NSA2: variants seen among roughly 807,000 people sequenced by gnomAD.
NSA2 encodes the protein ribosome biogenesis protein NSA2 homolog.
In NSA2, 18 loss-of-function variants were observed where a neutral mutation model predicts 34.8. That is an observed-to-expected ratio of 0.52 (90% CI 0.36 to 0.77). The LOEUF is 0.77. Among genes scored for constraint, NSA2 ranks in the 30% least tolerant of loss-of-function variants. The probability of loss-of-function intolerance (pLI) is 0.00; values close to 1 mark genes in which losing one functional copy is unlikely to be tolerated. For missense variants in NSA2, 188 were observed against 314.7 expected, an observed-to-expected ratio of 0.60 and a Z score of 3.05; for synonymous variants, 79 against 100.2, an observed-to-expected ratio of 0.79 and a Z score of 1.26.
intron 4 of NSA2, among the ~76,000 whole-genome samples, 168 bp from the exon 5 acceptor site, chr5:74,773,700 A>G (rs1580056563): frequency 6.6e-6 from 1 of 152,166 alleles, no homozygotes; most frequent in East Asian, 1.9e-4. Context: ...TTATACTGTA[A>G]CCATCAGCTT....
At position 74,779,904 on chromosome 5, in the gene NSA2, C is replaced by T. The variant is rs1745326193; in HGVS notation, c.*3233C>T. ...ACTTTCAACATCAGTCCTTAGCTAC[C>T]TCAAATAATGACACAAAGTCTTAGT... is the stretch of plus-strand genomic sequence containing the variant. On this transcript the variant is annotated 3_prime_UTR_variant, in exon 6 of 6. Transcript: ENST00000610426. 1 of 152,152 alleles carries T rather than the reference C, an allele frequency of 6.6e-6. No homozygotes were observed. The highest frequency in any genetic ancestry group is 6.5e-5 in the Admixed American group (1 of 15,268). The allele number at this position is 152,152 out of a possible 1,614,324, so 9.4% of individuals were successfully genotyped here.
chr5:74,776,177 T>C (rs1745111253), intron 5 of NSA2, among the ~76,000 whole-genome samples: 1 of 152,244 alleles, frequency 6.6e-6, no homozygotes, highest in Admixed American at 6.5e-5. Context: ...ATGGTTCATT[T>C]CTTATTTATT....
At chr5:74,767,426 C>T in intron 1 of NSA2, 63 bp downstream of exon 1, 4 of 1,593,358 alleles carry the variant, frequency 2.5e-6, no homozygotes, top group Non-Finnish European at 3.4e-6. Flanking sequence ...CCTGAGGACT[C>T]TGGGGCGCTG....
Position 74,778,814 on chromosome 5 carries a change from A to G in NSA2, c.*2143A>G, listed in dbSNP as rs1458581397. On this transcript the variant is annotated 3_prime_UTR_variant, in exon 6 of 6. Coordinates refer to ENST00000610426, the MANE Select transcript of NSA2 (RefSeq NM_014886.6). ...TTCACAAATAAGTTCACAAAGGACT[A>G]TGTGTAATGTGACTGGACATTCAAC... 2.6e-5 allele frequency: 4 copies of G among 152,120 alleles called. No individual in the cohort carries two copies. The South Asian group carries it at 6.2e-4, about 24-fold the overall frequency. The allele number at this position is 152,120 out of a possible 1,614,324, so 9.4% of individuals were successfully genotyped here. A position where few individuals can be genotyped will look rare whatever the true frequency, so the allele number is the denominator to read the frequency against.
chr5:74,774,073 T>C lies in NSA2; in HGVS notation c.715+13T>C, dbSNP rs911239793. 4.4e-6 allele frequency: 7 copies of C among 1,595,804 alleles called. No individual in the cohort carries two copies. Among genetic ancestry groups the C allele is most frequent in the Non-Finnish European group, 6.0e-6 (7 of 1,164,240 alleles). ...AAAGTTATTTGGGGTAAGTGAATTT[T>C]TGAATACAGGGCTGCTGTGTTCTGC... On this transcript the variant is annotated intron_variant, in intron 5 of 5. Transcript: ENST00000610426.
chr5:74,775,703 T>A (rs182140614), intron 5 of NSA2, among the ~76,000 whole-genome samples: 2,428 of 148,744 alleles, frequency 0.016, 36 homozygotes, highest in Non-Finnish European at 0.027. Context: ...AAAAAAATTG[T>A]AAAAAAAAAA....
chr5:74,771,325 G>C (rs1744920006), intron 4 of NSA2, among the ~76,000 whole-genome samples: 1 of 151,722 alleles, frequency 6.6e-6, no homozygotes. Flanking sequence ...ATTTGAAAAA[G>C]TAGTATCATA....
At position 74,769,266 on chromosome 5, in the gene NSA2, C is replaced by A. The variant is rs1744838238; in HGVS notation, c.244C>A (p.Pro82Thr). 1 of 1,613,040 alleles carries A rather than the reference C, an allele frequency of 6.2e-7. No individual in the cohort carries two copies. The change falls in exon 3 of 6, where the codon CCA (proline) becomes ACA (threonine). Residue 82 changes from proline to threonine, a missense_variant. Physicochemically the swap from Pro to Thr is conservative, Grantham distance 38. Transcript: ENST00000610426. The part of the protein sequence containing the change: ...NTKQKNDEKT[P>T]QGAVPAYLLD... ...CAAACAAAAGAATGATGAAAAGACA[C>A]CACAGGGAGCAGTACCTGCCTATCT...
intron 5 of NSA2, among the ~76,000 whole-genome samples, chr5:74,775,528 A>G (rs1745081748): frequency 6.6e-6 from 1 of 151,052 alleles, no homozygotes; most frequent in Non-Finnish European, 1.5e-5. Context: ...GAGGCAGGAG[A>G]ATCACATGAA....
In NSA2 at chr5:74,778,949, A is replaced by T. The variant is rs2112438379; in HGVS notation, c.*2278A>T. 1 of 152,214 alleles carries T rather than the reference A, an allele frequency of 6.6e-6. No individual in the cohort carries two copies. Among genetic ancestry groups the T allele is most frequent in the East Asian group, 1.9e-4 (1 of 5,186 alleles). The allele number at this position is 152,214 out of a possible 1,614,324, so 9.4% of individuals were successfully genotyped here. On this transcript the variant is annotated 3_prime_UTR_variant, in exon 6 of 6. Transcript: ENST00000610426. ...CTGATTAAGTTCATGTAGGTTCCTT[A>T]TTGAAGATAAATTGTGGTATAAATT...
At chr5:74,774,680 A>G (rs575965973) in intron 5 of NSA2, among the ~76,000 whole-genome samples, 3 of 152,290 alleles carry the variant, frequency 2.0e-5, no homozygotes, top group South Asian at 4.1e-4. Context: ...AAGAAATATT[A>G]TAAGAAAATA....
At position 74,778,022 on chromosome 5, in the gene NSA2, T is replaced by C. The variant is rs1046751460; in HGVS notation, c.*1351T>C. On this transcript the variant is annotated 3_prime_UTR_variant, in exon 6 of 6. Transcript: ENST00000610426. ...TTTTAGCAGATAATTTTACCACTAA[T>C]ATAAATGGGTGATGTGTGGATCACA... The C allele has an allele frequency of 6.6e-6, 1 of 152,080 alleles. No individual in the cohort carries two copies. The highest frequency in any genetic ancestry group is 2.4e-5 in the African/African-American group (1 of 41,454). The allele number at this position is 152,080 out of a possible 1,614,324, so 9.4% of individuals were successfully genotyped here. A position where few individuals can be genotyped will look rare whatever the true frequency, so the allele number is the denominator to read the frequency against.
At chr5:74,773,682 C>T (rs757004432) in intron 4 of NSA2, among the ~76,000 whole-genome samples, 186 bp from the exon 5 acceptor site, 1 of 152,062 alleles carries the variant, frequency 6.6e-6, no homozygotes, top group Non-Finnish European at 1.5e-5. Context: ...GGTGTTTTCC[C>T]CACATATTTA....
Position 74,770,742 on chromosome 5 carries a change from A to G in NSA2, c.454A>G (p.Lys152Glu), listed in dbSNP as rs754895588. The change falls in exon 4 of 6, where the codon AAA (lysine) becomes GAA (glutamate). Residue 152 changes from lysine (K) to glutamate (E), a missense_variant. Transcript: ENST00000610426. The stretch of plus-strand genomic sequence containing the variant: ...GAAGGCATGGAAGAGAATGGTTACT[A>G]AAGTGTGCTTTGTTGGAGATGGCTT... ...KKKAWKRMVT[K>E]VCFVGDGFTR... 2.5e-6 allele frequency: 4 copies of G among 1,613,314 alleles called. 1 individual carries two copies. In the South Asian group the frequency reaches 4.4e-5, roughly 18 times the overall value.
At chr5:74,772,367 C>T (rs1744971635) in intron 4 of NSA2, among the ~76,000 whole-genome samples, 1 of 152,150 alleles carries the variant, frequency 6.6e-6, no homozygotes. Flanking sequence ...GATCCGCCCG[C>T]CTTAGCCTCC....
In NSA2 at chr5:74,776,622, C is replaced by A. The variant is rs563089290; in HGVS notation, c.734C>A (p.Thr245Asn). ...KVIWGKYAQV[T>N]NNPENDGCIN... ...TCCTTAGGAAAATATGCCCAGGTTA[C>A]CAACAATCCTGAAAATGATGGATGT... Residue 245 changes from threonine (T) to asparagine (N), a missense_variant, in exon 6 of 6, where the codon ACC becomes AAC. Physicochemically the swap from Thr to Asn is moderately conservative, Grantham distance 65. Coordinates refer to ENST00000610426, the MANE Select transcript of NSA2 (RefSeq NM_014886.6). The A allele has an allele frequency of 2.8e-5, 45 of 1,595,410 alleles. No individual in the cohort carries two copies. In the South Asian group the frequency reaches 4.6e-4, roughly 16 times the overall value.
chr5:74,767,899 C>T (rs772233725), intron 1 of NSA2, among the ~76,000 whole-genome samples: 3 of 152,226 alleles, frequency 2.0e-5, no homozygotes, highest in Non-Finnish European at 2.9e-5. Flanking sequence ...ATACACCCTT[C>T]ATGTGATTGC....
Position 74,777,333 on chromosome 5 carries a change from T to G in NSA2, c.*662T>G, listed in dbSNP as rs1436471108. The G allele has an allele frequency of 1.3e-5, 2 of 152,184 alleles. No individual in the cohort carries two copies. Among genetic ancestry groups the G allele is most frequent in the African/African-American group, 4.8e-5 (2 of 41,456 alleles). The allele number at this position is 152,184 out of a possible 1,614,324, so 9.4% of individuals were successfully genotyped here. A position where few individuals can be genotyped will look rare whatever the true frequency, so the allele number is the denominator to read the frequency against. Reference sequence around the variant, plus strand: ...TGTACTCTCTTAGCATTTTCTGTATTCTAAACAATATATTTATACTTTCAG... The same window carrying G: ...TGTACTCTCTTAGCATTTTCTGTATGCTAAACAATATATTTATACTTTCAG... On this transcript the variant is annotated 3_prime_UTR_variant, in exon 6 of 6. Transcript: ENST00000610426.
intron 4 of NSA2, among the ~76,000 whole-genome samples, chr5:74,771,807 T>C (rs1193072917): frequency 7.0e-6 from 1 of 143,624 alleles, no homozygotes; most frequent in Non-Finnish European, 1.5e-5. Context: ...TGAGTGGAGA[T>C]CATGCCACTG....
Sources: gnomAD v4.1 joint callset for allele counts (sites outside exome capture counted in the v4.1 genomes callset) on GRCh38, gnomAD v4.1.1 for gene constraint, MANE v1.5 for transcripts, NCBI Gene and HGNC (gene_info 2026-07-23, HGNC 2026-07-21) for gene names.